The following SUMF1 variants were observed in gnomAD, a reference collection of about 807,000 sequenced individuals.
SUMF1 encodes formylglycine-generating enzyme.
In SUMF1, 48 loss-of-function variants were observed where a neutral mutation model predicts 47.6. The ratio of observed to expected loss-of-function variants is 1.01; its 90% CI spans 0.80 to 1.28. SUMF1 has a LOEUF of 1.28. Ranked by LOEUF, SUMF1 falls within the 50% of genes most tolerant of loss-of-function variation. The pLI is 0.00. For synonymous variants in SUMF1, 230 were observed against 192.1 expected, an observed-to-expected ratio of 1.20 and a Z score of -1.63; for missense variants, 571 against 485.4, an observed-to-expected ratio of 1.18 and a Z score of -1.66.
intron 8 of SUMF1, among the ~76,000 whole-genome samples, chr3:4,286,954 G>A (rs1697644634): frequency 6.6e-6 from 1 of 151,966 alleles, no homozygotes; most frequent in African/African-American, 2.4e-5. Context: ...GTGGTCCAGG[G>A]ATGCCTGGGA....
intron 9 of SUMF1, among the ~76,000 whole-genome samples, chr3:4,038,676 G>T (rs1237907289): frequency 6.6e-6 from 1 of 152,132 alleles, no homozygotes; most frequent in Non-Finnish European, 1.5e-5. Context: ...CATGCTGTAA[G>T]CTCAGGTGTA....
At chr3:4,265,322 A>G (rs566048562) in intron 8 of SUMF1, among the ~76,000 whole-genome samples, 74 of 152,234 alleles carry the variant, frequency 4.9e-4, no homozygotes, top group African/African-American at 1.8e-3. Context: ...CTTAGAGATC[A>G]CAAACTTGTA....
intron 1 of SUMF1, among the ~76,000 whole-genome samples, chr3:4,466,748 G>A (rs1010439892): frequency 6.6e-6 from 1 of 152,080 alleles, no homozygotes; most frequent in Non-Finnish European, 1.5e-5. Context: ...AGAAATAGGG[G>A]GTAAAGAAGT....
At chr3:4,433,940 G>C (rs56112032) in intron 3 of SUMF1, among the ~76,000 whole-genome samples, 2,151 of 152,290 alleles carry the variant, frequency 0.014, 21 homozygotes, top group Non-Finnish European at 0.022. Flanking sequence ...TACATATCCA[G>C]AACAAGTGAA....
chr3:4,241,196 A>G (rs1696529838), intron 8 of SUMF1, among the ~76,000 whole-genome samples: 1 of 152,182 alleles, frequency 6.6e-6, no homozygotes, highest in African/African-American at 2.4e-5. Context: ...ATATCTGTGT[A>G]ATAGAACATT....
rs139010858 is a variant in SUMF1 at position 4,276,691 on chromosome 3, G to C, written c.1014+99639C>G. 1.4e-4 allele frequency among the ~76,000 whole-genome samples: 22 copies of C among 152,166 alleles called. 1 individual carries two copies. Among genetic ancestry groups the C allele is most frequent in the Admixed American group, 5.2e-4 (8 of 15,270 alleles). On this transcript the variant is annotated intron_variant and NMD_transcript_variant, in intron 8 of 12. Coordinates refer to the SUMF1 transcript ENST00000448413. Reference sequence around the variant, plus strand: ...ATCATAAATTTTCTATGGTTCTTGGGAACAACAAGCTACGGTATTTCTTTT... The same window carrying C: ...ATCATAAATTTTCTATGGTTCTTGGCAACAACAAGCTACGGTATTTCTTTT...
chr3:4,359,016 G>C (rs1559242202), downstream of SUMF1, among the ~76,000 whole-genome samples: 1 of 152,170 alleles, frequency 6.6e-6, no homozygotes, highest in Non-Finnish European at 1.5e-5. Context: ...AGTTCCTTAA[G>C]TTTTGAGTAA....
At chr3:4,380,361 A>C (rs923455272) in intron 7 of SUMF1, among the ~76,000 whole-genome samples, 4 of 152,190 alleles carry the variant, frequency 2.6e-5, no homozygotes, top group African/African-American at 9.6e-5. Context: ...TATAAATGGG[A>C]GCTAAACATT....
chr3:4,452,774 C>T, intron 2 of SUMF1, 102 bp downstream of exon 2: 4 of 1,353,038 alleles, frequency 3.0e-6, no homozygotes, highest in Non-Finnish European at 4.2e-6. Flanking sequence ...AGTTCTGCCA[C>T]AGAATGCAGT....
intron 8 of SUMF1, among the ~76,000 whole-genome samples, chr3:4,354,391 C>G (rs1390476849): frequency 6.6e-6 from 1 of 152,126 alleles, no homozygotes; most frequent in Non-Finnish European, 1.5e-5. Flanking sequence ...GTTTTTCCTT[C>G]TTTTTAATTA....
chr3:4,267,572 G>A (rs376681627), intron 8 of SUMF1, among the ~76,000 whole-genome samples: 3 of 152,010 alleles, frequency 2.0e-5, no homozygotes, highest in African/African-American at 4.8e-5. Flanking sequence ...GGTGGTGGGC[G>A]AAGGACATGA....
intron 8 of SUMF1, chr3:4,316,779 AAG>A: frequency 1.3e-6 from 2 of 1,550,812 alleles, no homozygotes; most frequent in Non-Finnish European, 1.7e-6. Context: ...GCACCCAAAA[AAG>A]GTCATGGTCA....
chr3:4,298,517 C>CA (rs906420842), intron 8 of SUMF1, among the ~76,000 whole-genome samples: 3 of 152,066 alleles, frequency 2.0e-5, no homozygotes, highest in African/African-American at 7.2e-5. Context: ...GTGGATCCTT[C>CA]AAAAAAATTT....
intron 8 of SUMF1, among the ~76,000 whole-genome samples, chr3:4,319,770 A>C (rs1698783642): frequency 6.6e-6 from 1 of 152,212 alleles, no homozygotes; most frequent in Non-Finnish European, 1.5e-5. Flanking sequence ...TTCTTCAATA[A>C]GTGAATGGAT....
intron 8 of SUMF1, among the ~76,000 whole-genome samples, chr3:4,210,643 A>G (rs534213496): frequency 6.6e-6 from 1 of 152,238 alleles, no homozygotes; most frequent in South Asian, 2.1e-4. Flanking sequence ...GTTCAGGGGT[A>G]TATGTGCATG....
intron 8 of SUMF1, among the ~76,000 whole-genome samples, chr3:4,231,803 T>A (rs1171464235): frequency 6.6e-6 from 1 of 152,082 alleles, no homozygotes; most frequent in East Asian, 1.9e-4. Flanking sequence ...TACATGGGTA[T>A]CCGGAAAACA....
chr3:4,441,785 T>C (rs1702595792), intron 3 of SUMF1, among the ~76,000 whole-genome samples: 1 of 152,226 alleles, frequency 6.6e-6, no homozygotes, highest in Non-Finnish European at 1.5e-5. Flanking sequence ...CTCTGAAAGC[T>C]AGCTCAATGT....
At chr3:4,458,073 G>C (rs1451533973) in intron 1 of SUMF1, among the ~76,000 whole-genome samples, 1 of 152,106 alleles carries the variant, frequency 6.6e-6, no homozygotes, top group African/African-American at 2.4e-5. Context: ...ATGGGCAAAG[G>C]ACCCGAATAG....
At chr3:4,219,664 C>A (rs1696018399) in intron 8 of SUMF1, among the ~76,000 whole-genome samples, 1 of 152,132 alleles carries the variant, frequency 6.6e-6, no homozygotes, top group African/African-American at 2.4e-5. Context: ...ACCTAACAAG[C>A]TGGAATTTAC....
Sources: gnomAD v4.1 joint callset for allele counts (sites outside exome capture counted in the v4.1 genomes callset) on GRCh38, gnomAD v4.1.1 for gene constraint, MANE v1.5 for transcripts, NCBI Gene and HGNC (gene_info 2026-07-23, HGNC 2026-07-21) for gene names.